The following ABCA4 variants were observed in gnomAD, a reference collection of about 807,000 sequenced individuals.
The protein encoded by ABCA4 is retinal-specific phospholipid-transporting ATPase ABCA4.
Under a neutral mutation model 263.7 loss-of-function variants are expected in ABCA4, and 196 were observed. The ratio of observed to expected loss-of-function variants is 0.74; its 90% CI spans 0.66 to 0.84. The LOEUF (loss-of-function observed/expected upper bound fraction) is 0.84, where lower values mean the gene tolerates loss of function less well. ABCA4 is among the 40% of genes least tolerant of loss of function. The probability of loss-of-function intolerance (pLI) is 0.00; values close to 1 mark genes in which losing one functional copy is unlikely to be tolerated. For synonymous variants in ABCA4, 1,133 were observed against 1,094.2 expected, an observed-to-expected ratio of 1.04 and a Z score of -0.70; for missense variants, 2,792 against 2,855.1, an observed-to-expected ratio of 0.98 and a Z score of 0.50.
At chr1:94,015,934 G>C (rs1021638187) in intron 36 of ABCA4, 80 bp from the exon 37 acceptor site, 4 of 1,171,202 alleles carry the variant, frequency 3.4e-6, no homozygotes, top group Non-Finnish European at 5.0e-6. Context: ...GTGGGGCCAG[G>C]CTCCTCCAGC....
intron 44 of ABCA4, among the ~76,000 whole-genome samples, chr1:94,002,712 A>C (rs1280909665): frequency 6.6e-6 from 1 of 151,992 alleles, no homozygotes; most frequent in African/African-American, 2.4e-5. Context: ...TCTCACCTCT[A>C]GTTCTTCATT....
intron 11 of ABCA4, among the ~76,000 whole-genome samples, chr1:94,071,811 G>T (rs1218103079): frequency 1.3e-5 from 2 of 152,214 alleles, no homozygotes; most frequent in Non-Finnish European, 2.9e-5. Flanking sequence ...GGTATGAAAT[G>T]AGGTCATTGC....
chr1:94,084,321 C>G (rs1661779881), intron 6 of ABCA4, among the ~76,000 whole-genome samples: 1 of 152,198 alleles, frequency 6.6e-6, no homozygotes, highest in East Asian at 1.9e-4. Flanking sequence ...GGGCATGTGC[C>G]TTTTAACCAG....
rs886044756 is a variant in ABCA4, at chr1:94,007,730, A to C, written c.5909T>G (p.Leu1970Arg). The change falls in exon 43 of 50, where the codon CTC becomes CGC. Residue 1970 changes from leucine (L) to arginine (R), a missense_variant. Leu to Arg is a moderately radical substitution (Grantham distance 102). Coordinates refer to ENST00000370225, the MANE Select transcript of ABCA4 (RefSeq NM_000350.3). ...VGVRPGECFG[L>R]LGVNGAGKTT... ...TTTGCCGGCACCATTCACTCCCAGGAGGCCAAAGCACTAGGAGAAAACACA... is the reference window on the plus strand; with the variant it reads ...TTTGCCGGCACCATTCACTCCCAGGCGGCCAAAGCACTAGGAGAAAACACA... 1.9e-6 allele frequency: 3 copies of C among 1,613,932 alleles called. No individual in the cohort carries two copies. The highest frequency in any genetic ancestry group is 2.5e-6 in the Non-Finnish European group (3 of 1,180,010).
intron 45 of ABCA4, among the ~76,000 whole-genome samples, 185 bp from the exon 46 acceptor site, chr1:94,001,290 G>A (rs1659174439): frequency 6.6e-6 from 1 of 152,254 alleles, no homozygotes; most frequent in African/African-American, 2.4e-5. Context: ...GGATCCAAGA[G>A]TAAAGAAGCG....
chr1:94,030,720 C>T (rs961248001), intron 28 of ABCA4, among the ~76,000 whole-genome samples, 194 bp from the exon 29 acceptor site: 1 of 152,168 alleles, frequency 6.6e-6, no homozygotes, highest in African/African-American at 2.4e-5. Context: ...GGCATGTCAC[C>T]TATGCCTCAA....
intron 6 of ABCA4, among the ~76,000 whole-genome samples, chr1:94,090,057 G>A (rs1277184196): frequency 1.3e-5 from 2 of 152,076 alleles, no homozygotes; most frequent in Non-Finnish European, 2.9e-5. Flanking sequence ...TTGGAATCAT[G>A]CAGACACACC....
chr1:94,088,577 C>T (rs750748265), intron 6 of ABCA4, among the ~76,000 whole-genome samples: 2 of 152,216 alleles, frequency 1.3e-5, no homozygotes, highest in African/African-American at 2.4e-5. Context: ...CCTGTGTGCC[C>T]TTTCTGTGGC....
chr1:94,007,729 G>A lies in ABCA4; in HGVS notation c.5910C>T (p.Leu1970=), dbSNP rs1659430709. The A allele has an allele frequency of 6.2e-7, 1 of 1,614,010 alleles. No individual in the cohort carries two copies. Among genetic ancestry groups the A allele is most frequent in the South Asian group, 1.1e-5 (1 of 91,082 alleles). The part of the protein sequence containing the change: ...VGVRPGECFG[L]LGVNGAGKTT... ...TTTTGCCGGCACCATTCACTCCCAGGAGGCCAAAGCACTAGGAGAAAACAC... is the reference window on the plus strand; with the variant it reads ...TTTTGCCGGCACCATTCACTCCCAGAAGGCCAAAGCACTAGGAGAAAACAC... Residue 1970 remains leucine, a synonymous_variant, in exon 43 of 50, where the codon CTC becomes CTT. Transcript: ENST00000370225.
rs866110084 is a variant in ABCA4 at position 94,055,204 on chromosome 1, C to T, written c.2494G>A (p.Asp832Asn). Residue 832 changes from aspartate (D) to asparagine (N), a missense_variant, in exon 16 of 50, where the codon GAC (aspartate) becomes AAC (asparagine). Transcript: ENST00000370225. ...ATGGACAGCAGGAAGCTGAATTCGT[C>T]CCCTTCCGTGGGACTGTTCCCGATG... The part of the protein sequence containing the change: ...SNIGNSPTEG[D>N]EFSFLLSMQM... 23 of 1,614,054 alleles carry T rather than the reference C, an allele frequency of 1.4e-5. No homozygotes were observed. The highest frequency in any genetic ancestry group is 1.9e-5 in the Non-Finnish European group (22 of 1,180,038).
At chr1:94,072,335 A>T (rs1661423122) in intron 11 of ABCA4, among the ~76,000 whole-genome samples, 1 of 152,234 alleles carries the variant, frequency 6.6e-6, no homozygotes, top group African/African-American at 2.4e-5. Flanking sequence ...CCTTGATCAG[A>T]GGTATTTTCG....
chr1:94,093,037 AG>A (rs1370030716), intron 6 of ABCA4, among the ~76,000 whole-genome samples: 1 of 152,186 alleles, frequency 6.6e-6, no homozygotes, highest in Non-Finnish European at 1.5e-5. Context: ...ACATAGAGCC[AG>A]GGCCCAGTCT....
chr1:94,060,870 G>T, intron 13 of ABCA4, 111 bp from the exon 14 acceptor site: 1 of 865,474 alleles, frequency 1.2e-6, no homozygotes, highest in Non-Finnish European at 1.9e-6. Flanking sequence ...GGAGGGAAAG[G>T]AAAACAGGAA....
intron 47 of ABCA4, among the ~76,000 whole-genome samples, chr1:93,999,556 G>A (rs1400986211): frequency 6.6e-6 from 1 of 152,184 alleles, no homozygotes; most frequent in Non-Finnish European, 1.5e-5. Flanking sequence ...AGGATGGCTG[G>A]TTACCCTCTC....
At chr1:94,095,510 G>A (rs1662100030) in intron 6 of ABCA4, among the ~76,000 whole-genome samples, 1 of 152,132 alleles carries the variant, frequency 6.6e-6, no homozygotes, top group Admixed American at 6.5e-5. Flanking sequence ...CAGCATTCCC[G>A]CACTGCAGCT....
At position 94,043,394 on chromosome 1, in the gene ABCA4, G is replaced by T; in HGVS notation, c.3132C>A (p.Ala1044=). ...GGTGGAGGCCTGTGTCCTCCAACAT[G>T]GCTTCCATCTCCAGCTGGGCCTCCT... The part of the protein sequence containing the change: ...SQEEAQLEME[A]MLEDTGLHHK... Residue 1044 remains alanine (A), a synonymous_variant, in exon 21 of 50, where the codon GCC becomes GCA. Transcript: ENST00000370225. The T allele has an allele frequency of 6.2e-7, 1 of 1,614,072 alleles. No homozygotes were observed. The highest frequency in any genetic ancestry group is 2.2e-5 in the East Asian group (1 of 44,864).
intron 14 of ABCA4, among the ~76,000 whole-genome samples, chr1:94,059,294 C>G (rs116500623): frequency 9.2e-5 from 14 of 152,174 alleles, no homozygotes; most frequent in Non-Finnish European, 1.5e-4. Context: ...AGCTCCTCCC[C>G]TCATCTCTTA....
rs757916988 is a variant in ABCA4, at chr1:94,078,580, C to G, written c.1356+10G>C. On this transcript the variant is annotated intron_variant, in intron 10 of 49. Coordinates refer to ENST00000370225, the MANE Select transcript of ABCA4 (RefSeq NM_000350.3). ...CTCCCCTCCCCTCCCCATCCTCCAA[C>G]CCCCCTTACTCTGATCATGTTCATC... 9.5e-7 allele frequency: 1 copy of G among 1,052,790 alleles called. No homozygotes were observed. Among genetic ancestry groups the G allele is most frequent in the Admixed American group, 2.4e-5 (1 of 42,486 alleles). The allele number at this position is 1,052,790 out of a possible 1,614,324, so 65.2% of individuals were successfully genotyped here. A position where few individuals can be genotyped will look rare whatever the true frequency, so the allele number is the denominator to read the frequency against.
intron 44 of ABCA4, among the ~76,000 whole-genome samples, chr1:94,005,028 G>T (rs1659333320): frequency 2.0e-5 from 3 of 152,070 alleles, no homozygotes. Context: ...AGACTTTATT[G>T]TGTGTCTGTA....
Sources: allele counts gnomAD v4.1 joint callset (sites outside exome capture counted in the v4.1 genomes callset), GRCh38; gene constraint gnomAD v4.1.1; transcripts MANE v1.5; gene names NCBI Gene and HGNC (gene_info 2026-07-23, HGNC 2026-07-21).